Variants in GNA14 observed in about 807,000 individuals in gnomAD.
The protein encoded by GNA14 is G protein subunit alpha 14.
In GNA14, 50 loss-of-function variants were observed where a neutral mutation model predicts 42.0. That is an observed-to-expected ratio of 1.19 (90% confidence interval 0.95 to 1.51). The LOEUF (loss-of-function observed/expected upper bound fraction) is 1.51. Among genes scored for constraint, GNA14 ranks in the 40% most tolerant of loss-of-function variants. The pLI, the probability that GNA14 is intolerant of heterozygous loss-of-function variation, is 0.00. For synonymous variants in GNA14, 173 were observed against 163.1 expected (o/e 1.06, Z -0.46); for missense variants, 473 against 446.2 (o/e 1.06, Z -0.54).
At chr9:77,495,342 T>C (rs1217605068) in intron 2 of GNA14, among the ~76,000 whole-genome samples, 3 of 152,212 alleles carry the variant, frequency 2.0e-5, no homozygotes, top group East Asian at 1.9e-4. Context: ...TACCTTAGTA[T>C]AGAGTTGGTG....
At chr9:77,552,640 C>T (rs975957069) in intron 1 of GNA14, among the ~76,000 whole-genome samples, 2 of 152,072 alleles carry the variant, frequency 1.3e-5, no homozygotes, top group Non-Finnish European at 2.9e-5. Flanking sequence ...TACCAAAGAC[C>T]CAATTCACTC....
intron 2 of GNA14, among the ~76,000 whole-genome samples, chr9:77,498,006 C>A (rs1836900804): frequency 6.6e-6 from 1 of 152,192 alleles, no homozygotes; most frequent in South Asian, 2.1e-4. Flanking sequence ...AATCCAGGCA[C>A]TGCCATTTGC....
intron 1 of GNA14, chr9:77,580,406 G>A (rs1718336343): frequency 3.2e-6 from 1 of 310,740 alleles, no homozygotes; most frequent in East Asian, 7.4e-5. Flanking sequence ...CCATTGTGGA[G>A]AAGTTGTCTA....
intron 1 of GNA14, among the ~76,000 whole-genome samples, chr9:77,591,548 C>T (rs911279985): frequency 6.6e-6 from 1 of 152,098 alleles, no homozygotes; most frequent in Non-Finnish European, 1.5e-5. Flanking sequence ...TTTCCTCAGG[C>T]GTCAAATGAA....
At chr9:77,490,026 A>C (rs1564029915) in intron 2 of GNA14, among the ~76,000 whole-genome samples, 1 of 152,284 alleles carries the variant, frequency 6.6e-6, no homozygotes, top group East Asian at 1.9e-4. Context: ...ACAATCCCTG[A>C]GCTAGATACA....
chr9:77,454,547 C>A (rs967302790), intron 2 of GNA14, among the ~76,000 whole-genome samples: 3 of 142,842 alleles, frequency 2.1e-5, no homozygotes, highest in African/African-American at 7.7e-5. Context: ...AGATGAAATT[C>A]TTTTATTTTG....
intron 1 of GNA14, among the ~76,000 whole-genome samples, chr9:77,641,124 G>A (rs1587858288): frequency 1.6e-5 from 1 of 62,170 alleles, no homozygotes; most frequent in African/African-American, 9.6e-5. Context: ...AAGGAAGGAA[G>A]GAAGGAAGGA....
chr9:77,526,719 T>C (rs1008075509), intron 2 of GNA14: 3 of 152,168 alleles, frequency 2.0e-5, no homozygotes, highest in African/African-American at 7.2e-5. Context: ...TTTTGGCCCT[T>C]TAGCATGACA....
chr9:77,618,667 T>C (rs1230399329), intron 1 of GNA14, among the ~76,000 whole-genome samples: 3 of 115,608 alleles, frequency 2.6e-5, no homozygotes, highest in African/African-American at 1.0e-4. Flanking sequence ...GGAGTCTCGC[T>C]CTGTCGCCCA....
chr9:77,462,734 G>GT (rs1198857146), intron 2 of GNA14, among the ~76,000 whole-genome samples: 4 of 120,812 alleles, frequency 3.3e-5, no homozygotes, highest in Non-Finnish European at 6.9e-5. Context: ...GCGGGGGGTG[G>GT]GGGGGTGGGA....
At position 77,578,700 on chromosome 9, in the gene GNA14, TA is replaced by T. The variant is rs1347347305; in HGVS notation, c.125-49448del. Among the ~76,000 whole-genome samples, 14 of 152,326 alleles carry T rather than the reference TA, an allele frequency of 9.2e-5. No homozygotes were observed. The East Asian group carries it at 1.7e-3, about 19-fold the overall frequency. On this transcript the variant is annotated intron_variant, in intron 1 of 6. Coordinates refer to ENST00000341700, the MANE Select transcript of GNA14 (RefSeq NM_004297.4). Reference sequence around the variant, plus strand: ...CTGTCCTTGAAACATTTATCCCACTTAAAACCTTAACCTCATACTTCCCATA... The same window carrying T: ...CTGTCCTTGAAACATTTATCCCACTTAAACCTTAACCTCATACTTCCCATA...
chr9:77,460,582 G>A (rs1275822612), intron 2 of GNA14, among the ~76,000 whole-genome samples: 1 of 152,218 alleles, frequency 6.6e-6, no homozygotes, highest in African/African-American at 2.4e-5. Flanking sequence ...TTGGCTGGGA[G>A]GGCGTCTGCA....
At chr9:77,473,047 A>T (rs1006278797) in intron 2 of GNA14, among the ~76,000 whole-genome samples, 2 of 152,240 alleles carry the variant, frequency 1.3e-5, no homozygotes, top group Non-Finnish European at 2.9e-5. Context: ...GAAATTAAGA[A>T]AACAATTCCA....
At chr9:77,493,456 T>C (rs943913979) in intron 2 of GNA14, among the ~76,000 whole-genome samples, 7 of 152,314 alleles carry the variant, frequency 4.6e-5, no homozygotes, top group African/African-American at 1.4e-4. Context: ...GCTTTTTACA[T>C]TACTGTAAAA....
intron 2 of GNA14, among the ~76,000 whole-genome samples, chr9:77,473,608 T>C (rs1030774137): frequency 2.0e-5 from 3 of 148,216 alleles, no homozygotes; most frequent in Non-Finnish European, 4.4e-5. Context: ...AAATTTCACC[T>C]GGATTTTTTT....
chr9:77,547,269 A>T (rs564280105), intron 1 of GNA14, among the ~76,000 whole-genome samples: 1 of 152,334 alleles, frequency 6.6e-6, no homozygotes, highest in African/African-American at 2.4e-5. Context: ...CAATCTGTAG[A>T]TGAGATAGCT....
chr9:77,579,644 GA>G (rs1823184402), intron 1 of GNA14, among the ~76,000 whole-genome samples: 1 of 152,128 alleles, frequency 6.6e-6, no homozygotes. Context: ...ATGCCAAATA[GA>G]CTCTACATTT....
At chr9:77,562,331 G>C (rs1460573749) in intron 1 of GNA14, among the ~76,000 whole-genome samples, 1 of 152,182 alleles carries the variant, frequency 6.6e-6, no homozygotes, top group Non-Finnish European at 1.5e-5. Flanking sequence ...AGCTAACGTA[G>C]ATGAGGAATG....
At chr9:77,585,493 T>TA (rs1823289060) in intron 1 of GNA14, among the ~76,000 whole-genome samples, 1 of 152,204 alleles carries the variant, frequency 6.6e-6, no homozygotes, top group African/African-American at 2.4e-5. Context: ...TACCTTTCTT[T>TA]ACCATGCTTT....
Sources: allele counts gnomAD v4.1 joint callset (sites outside exome capture counted in the v4.1 genomes callset), GRCh38; gene constraint gnomAD v4.1.1; transcripts MANE v1.5; gene names NCBI Gene and HGNC (gene_info 2026-07-23, HGNC 2026-07-21).